Variants in RELN observed in about 807,000 individuals in gnomAD.
The protein encoded by RELN is reelin.
Under a neutral mutation model 427.6 loss-of-function variants are expected in RELN, and 108 were observed. That is an observed-to-expected ratio of 0.25 (90% confidence interval 0.22 to 0.30). The LOEUF (loss-of-function observed/expected upper bound fraction) is 0.30, where lower values mean the gene tolerates loss of function less well. Ranked by LOEUF, RELN falls within the 10% of genes least tolerant of loss-of-function variation. RELN has a pLI of 1.00. For synonymous variants in RELN, 1,524 were observed against 1,513.4 expected, an observed-to-expected ratio of 1.01 and a Z score of -0.16; for missense variants, 3,715 against 4,302.8, an observed-to-expected ratio of 0.86 and a Z score of 3.82.
In RELN at chr7:103,483,797, T is replaced by C. The variant is rs1192573356; in HGVS notation, c.10037A>G (p.Asn3346Ser). The C allele has an allele frequency of 1.2e-6, 2 of 1,614,094 alleles. No homozygotes were observed. The highest frequency in any genetic ancestry group is 3.3e-5 in the Admixed American group (2 of 60,028). ...AGCGTGGGGGCCACTCAGGTCACTGTTGCAGCTGTCCGTCTGCGACATGCT... is the reference window on the plus strand; with the variant it reads ...AGCGTGGGGGCCACTCAGGTCACTGCTGCAGCTGTCCGTCTGCGACATGCT... ...IGSMSQTDSC[N>S]SDLSGPHAVD... is the part of the protein sequence containing the mutation. The change falls in exon 62 of 65, where the codon AAC becomes AGC. Residue 3346 changes from asparagine (N) to serine (S), a missense_variant. Physicochemically the swap from Asn to Ser is conservative, Grantham distance 46. Around this residue, in one of 4 missense-constraint regions of RELN, gnomAD observed 195 missense variants for 281.3 expected, o/e 0.69. Transcript: ENST00000428762.
chr7:103,476,741 A>T (rs777947558), intron 64 of RELN: 6 of 408,530 alleles, frequency 1.5e-5, no homozygotes, highest in South Asian at 1.2e-4. Flanking sequence ...GTCTAACAGC[A>T]TTGGGAATTA....
Position 103,490,680 on chromosome 7 carries a change from T to G in RELN, c.9593A>C (p.His3198Pro). Reference protein sequence around the residue: ...WKRITIQLPDHVSSSATQFRW... With the variant: ...WKRITIQLPDPVSSSATQFRW... ...ATTTGCAACCTACCTAGAGGAGACA[T>G]GGTCAGGCAGCTGGATGGTGATTCT... Residue 3198 changes from histidine (H) to proline (P), a missense_variant, in exon 59 of 65, where the codon CAT becomes CCT. His to Pro is a moderately conservative substitution (Grantham distance 77). Transcript: ENST00000428762. 6.2e-7 allele frequency: 1 copy of G among 1,614,200 alleles called. No homozygotes were observed. Among genetic ancestry groups the G allele is most frequent in the Non-Finnish European group, 8.5e-7 (1 of 1,180,040 alleles).
At chr7:103,588,731 C>A (rs1421287362) in intron 28 of RELN, among the ~76,000 whole-genome samples, 1 of 152,118 alleles carries the variant, frequency 6.6e-6, no homozygotes, top group Admixed American at 6.5e-5. Context: ...AGACCACAAC[C>A]AGTCTCCAAA....
chr7:103,515,026 C>G (rs1829524920), intron 50 of RELN, among the ~76,000 whole-genome samples, 159 bp downstream of exon 50: 1 of 152,148 alleles, frequency 6.6e-6, no homozygotes, highest in Non-Finnish European at 1.5e-5. Flanking sequence ...AAAATGCCAA[C>G]TAGGAAGGCT....
intron 49 of RELN, among the ~76,000 whole-genome samples, chr7:103,519,097 TGTGGTAGAA>T (rs1829640896): frequency 6.6e-6 from 1 of 152,192 alleles, no homozygotes; most frequent in East Asian, 1.9e-4. Context: ...CCGTTGGCAT[TGTGGTAGAA>T]TATTTCATCT....
chr7:103,823,369 A>T (rs565202175), intron 3 of RELN, among the ~76,000 whole-genome samples: 6 of 152,106 alleles, frequency 3.9e-5, no homozygotes, highest in Middle Eastern at 3.4e-3. Flanking sequence ...GTTATCTTAT[A>T]TTACATTTTA....
intron 1 of RELN, among the ~76,000 whole-genome samples, chr7:103,969,022 T>C (rs904458046): frequency 6.6e-6 from 1 of 152,162 alleles, no homozygotes; most frequent in Non-Finnish European, 1.5e-5. Context: ...ATAATACTAG[T>C]ACCTACCTCA....
At chr7:103,868,430 A>C (rs1794251289) in intron 2 of RELN, among the ~76,000 whole-genome samples, 1 of 152,110 alleles carries the variant, frequency 6.6e-6, no homozygotes. Context: ...TTGTACAGAA[A>C]ACGTAAAATG....
intron 1 of RELN, among the ~76,000 whole-genome samples, chr7:103,947,018 T>TG (rs1796233206): frequency 6.6e-6 from 1 of 152,204 alleles, no homozygotes; most frequent in Non-Finnish European, 1.5e-5. Context: ...ACACTAGCTG[T>TG]GGAAATAATA....
In RELN at chr7:103,523,430, A is replaced by G. The variant is rs1402071263; in HGVS notation, c.7451T>C (p.Met2484Thr). Residue 2484 changes from methionine to threonine, a missense_variant, in exon 47 of 65, where the codon ATG becomes ACG. By Grantham distance (81) the Met-to-Thr change is moderately conservative (BLOSUM62 -1). Around this residue, in one of 4 missense-constraint regions of RELN, gnomAD observed 1,310 missense variants for 1,643.0 expected, o/e 0.80. Coordinates refer to ENST00000428762, the MANE Select transcript of RELN (RefSeq NM_005045.4). ...GATGCATCTCCCATGGCCACTGCAC[A>G]TGTCTATGCAGCCATCCCCGATATA... ...NVYIGDGCID[M>T]CSGHGRCIQG... 6 of 1,614,042 alleles carry G rather than the reference A, an allele frequency of 3.7e-6. No individual in the cohort carries two copies. Among genetic ancestry groups the G allele is most frequent in the African/African-American group, 1.3e-5 (1 of 74,914 alleles).
Position 103,539,274 on chromosome 7 carries a change from T to C in RELN, c.6984A>G (p.Thr2328=), listed in dbSNP as rs760013736. 16 of 1,614,232 alleles carry C rather than the reference T, an allele frequency of 9.9e-6. 1 individual carries two copies. The South Asian group carries it at 1.6e-4, about 17-fold the overall frequency. The change falls in exon 45 of 65, where the codon ACA becomes ACG. Residue 2328 remains threonine, a synonymous_variant. Coordinates refer to ENST00000428762, the MANE Select transcript of RELN (RefSeq NM_005045.4). ...GCAGCCATTTCCTACTATCAAGGGTTGTGAAATCATCTTCCAAGACCGTAT... is the reference window on the plus strand; with the variant it reads ...GCAGCCATTTCCTACTATCAAGGGTCGTGAAATCATCTTCCAAGACCGTAT... ...SGNTVLEDDF[T]TLDSRKWLLH... is the part of the protein sequence containing the mutation.
chr7:103,759,990 CTT>C (rs57019839), intron 4 of RELN, among the ~76,000 whole-genome samples: 2,371 of 63,522 alleles, frequency 0.037, 16 homozygotes, highest in African/African-American at 0.042. Flanking sequence ...CACAGTCATA[CTT>C]TTTTTTTTTT....
rs944317418 is a variant in RELN at position 103,611,686 on chromosome 7, G to A, written c.2820C>T (p.Tyr940=). ...FSLVMGCGQK[Y]TPHMDNQVKL... ...TCACCTGGTTGTCCATGTGTGGGGT[G>A]TATTTCTGGCCACATCCCATCACCA... Residue 940 remains tyrosine, a synonymous_variant, in exon 21 of 65, where the codon TAC becomes TAT. Transcript: ENST00000428762. 3.1e-6 allele frequency: 5 copies of A among 1,613,840 alleles called. No individual in the cohort carries two copies. The highest frequency in any genetic ancestry group is 4.2e-6 in the Non-Finnish European group (5 of 1,179,920).
chr7:103,862,467 C>CTATCTATCT (rs201210139), intron 2 of RELN, among the ~76,000 whole-genome samples: 2 of 147,550 alleles, frequency 1.4e-5, no homozygotes, highest in East Asian at 3.9e-4. Flanking sequence ...ATCTATCTAT[C>CTATCTATCT]TTCTCAATCT....
At chr7:103,778,615 T>A (rs1791809644) in intron 3 of RELN, among the ~76,000 whole-genome samples, 1 of 152,216 alleles carries the variant, frequency 6.6e-6, no homozygotes, top group East Asian at 1.9e-4. Flanking sequence ...CATCTGCTAG[T>A]CACTTTATAG....
intron 1 of RELN, among the ~76,000 whole-genome samples, chr7:103,926,099 C>CTTTTTTTTTTTTTT (rs55899563): frequency 1.1e-4 from 10 of 90,074 alleles, no homozygotes; most frequent in Admixed American, 1.5e-4. Context: ...CCCACCCCGC[C>CTTTTTTTTTTTTTT]TTTTTTTTTT....
intron 57 of RELN, among the ~76,000 whole-genome samples, chr7:103,494,792 A>G (rs1244681802): frequency 1.3e-5 from 2 of 152,074 alleles, no homozygotes; most frequent in Non-Finnish European, 2.9e-5. Context: ...GTCCTCCTTA[A>G]TTTTTTGAGG....
intron 1 of RELN, among the ~76,000 whole-genome samples, chr7:103,972,536 G>C (rs1304510876): frequency 6.6e-6 from 1 of 152,190 alleles, no homozygotes; most frequent in African/African-American, 2.4e-5. Context: ...AGCACTGGCA[G>C]GGATGGAATG....
intron 28 of RELN, among the ~76,000 whole-genome samples, chr7:103,582,053 A>G (rs1284419145): frequency 6.6e-6 from 1 of 152,234 alleles, no homozygotes; most frequent in South Asian, 2.1e-4. Context: ...AGGAATCTCA[A>G]CAAAAAGTAA....
Sources: gnomAD v4.1 joint callset for allele counts (sites outside exome capture counted in the v4.1 genomes callset) on GRCh38, gnomAD v4.1.1 for gene constraint, gnomAD v4.1.1 regional missense constraint, MANE v1.5 for transcripts, NCBI Gene and HGNC (gene_info 2026-07-23, HGNC 2026-07-21) for gene names.